Variants in CNTNAP2 observed in about 807,000 individuals in gnomAD.
The protein encoded by CNTNAP2 is contactin associated protein 2.
In CNTNAP2, 98 loss-of-function variants were observed where a neutral mutation model predicts 155.2. The ratio of observed to expected loss-of-function variants is 0.63; its 90% CI spans 0.54 to 0.75. The LOEUF is 0.75. CNTNAP2 is among the 30% of genes least tolerant of loss of function. The probability of loss-of-function intolerance (pLI) is 0.00; values close to 1 mark genes in which losing one functional copy is unlikely to be tolerated. For synonymous variants in CNTNAP2, 651 were observed against 631.2 expected (o/e 1.03, Z -0.47); for missense variants, 1,727 against 1,688.1 (o/e 1.02, Z -0.40).
intron 9 of CNTNAP2, among the ~76,000 whole-genome samples, chr7:147,314,095 A>T (rs1253287708): frequency 6.6e-6 from 1 of 152,078 alleles, no homozygotes; most frequent in Non-Finnish European, 1.5e-5. Flanking sequence ...AATGCATGTG[A>T]TTTTTGTACA....
At chr7:147,180,188 C>T (rs1333930953) in intron 8 of CNTNAP2, among the ~76,000 whole-genome samples, 1 of 152,138 alleles carries the variant, frequency 6.6e-6, no homozygotes, top group East Asian at 1.9e-4. Flanking sequence ...AAGAAATCAT[C>T]TTATTCCTTA....
intron 2 of CNTNAP2, among the ~76,000 whole-genome samples, chr7:146,775,776 A>G (rs1021601099): frequency 6.6e-6 from 1 of 152,112 alleles, no homozygotes; most frequent in African/African-American, 2.4e-5. Context: ...GGAAAAAGCT[A>G]GCCTAGTGTA....
chr7:146,578,019 C>T (rs1798550957), intron 1 of CNTNAP2, among the ~76,000 whole-genome samples: 1 of 152,042 alleles, frequency 6.6e-6, no homozygotes, highest in Non-Finnish European at 1.5e-5. Context: ...AACTAGTCTC[C>T]ATAGACAATC....
intron 8 of CNTNAP2, among the ~76,000 whole-genome samples, chr7:147,203,896 G>T (rs1403052902): frequency 1.3e-5 from 2 of 151,998 alleles, no homozygotes; most frequent in African/African-American, 4.8e-5. Context: ...CAAAATGTAA[G>T]AAATTAGATC....
At chr7:146,384,715 A>G (rs1795436227) in intron 1 of CNTNAP2, among the ~76,000 whole-genome samples, 1 of 152,180 alleles carries the variant, frequency 6.6e-6, no homozygotes. Context: ...TGGTTAAAAA[A>G]AAATGTACAT....
intron 11 of CNTNAP2, among the ~76,000 whole-genome samples, chr7:147,505,392 G>A (rs534454350): frequency 2.0e-5 from 3 of 152,118 alleles, no homozygotes; most frequent in South Asian, 4.1e-4. Flanking sequence ...TACAATGTGT[G>A]ACTAAAAATA....
rs182327570 is a variant in CNTNAP2 at position 147,937,222 on chromosome 7, T to C, written c.2255+33501T>C. 9.2e-5 allele frequency among the ~76,000 whole-genome samples: 14 copies of C among 152,308 alleles called. No individual in the cohort carries two copies. The East Asian group carries it at 2.5e-3, about 27-fold the overall frequency. ...CAGATTGGTCAGTTTGTGAATCTTG[T>C]GATCAGCTACTTTTAGAATTTATTT... On this transcript the variant is annotated intron_variant, in intron 14 of 23. Coordinates refer to ENST00000361727, the MANE Select transcript of CNTNAP2 (RefSeq NM_014141.6).
intron 6 of CNTNAP2, chr7:147,121,667 T>C (rs1169266559): frequency 1.0e-4 from 16 of 153,906 alleles, no homozygotes; most frequent in Non-Finnish European, 2.3e-4. Flanking sequence ...TAAAGTAAAA[T>C]ACAGACTATT....
intron 8 of CNTNAP2, among the ~76,000 whole-genome samples, chr7:147,285,015 AT>A (rs1203050857): frequency 6.6e-6 from 1 of 151,930 alleles, no homozygotes; most frequent in Non-Finnish European, 1.5e-5. Context: ...GCCTGGGTGC[AT>A]CCTTTGAATA....
At chr7:147,873,611 A>T (rs1184955733) in intron 13 of CNTNAP2, among the ~76,000 whole-genome samples, 2 of 152,302 alleles carry the variant, frequency 1.3e-5, no homozygotes, top group African/African-American at 4.8e-5. Flanking sequence ...GCTACAATTC[A>T]AGATGAGATT....
At chr7:147,658,696 T>C (rs1243292710) in intron 13 of CNTNAP2, among the ~76,000 whole-genome samples, 1 of 152,182 alleles carries the variant, frequency 6.6e-6, no homozygotes, top group Non-Finnish European at 1.5e-5. Flanking sequence ...GGATTGCAAG[T>C]TCAGGGTAAC....
At chr7:146,329,472 T>C (rs1801146653) in intron 1 of CNTNAP2, among the ~76,000 whole-genome samples, 1 of 152,310 alleles carries the variant, frequency 6.6e-6, no homozygotes, top group East Asian at 1.9e-4. Flanking sequence ...GTGTTCATCT[T>C]ACTCATTTTT....
intron 1 of CNTNAP2, among the ~76,000 whole-genome samples, chr7:146,742,346 T>G (rs1015955144): frequency 6.6e-6 from 1 of 152,142 alleles, no homozygotes; most frequent in Non-Finnish European, 1.5e-5. Context: ...TGACCACCAG[T>G]ATGTTCACCT....
rs189851813 is a variant in CNTNAP2 at position 147,737,436 on chromosome 7, G to C, written c.2098+98130G>C. Among the ~76,000 whole-genome samples, 823 of 152,268 alleles carry C rather than the reference G, an allele frequency of 5.4e-3. 3 individuals carry two copies. Among genetic ancestry groups the C allele is most frequent in the Non-Finnish European group, 9.0e-3 (610 of 68,024 alleles). ...GGTGAGGTGTCAGTCTGCCCCTACT[G>C]GGGGGTGCCTCCCAGTTTGGCTACT... On this transcript the variant is annotated intron_variant, in intron 13 of 23. Transcript: ENST00000361727.
chr7:147,221,777 C>G (rs911331149), intron 8 of CNTNAP2, among the ~76,000 whole-genome samples: 39 of 152,306 alleles, frequency 2.6e-4, no homozygotes, highest in African/African-American at 9.1e-4. Context: ...GGTCTACTGA[C>G]AAGTCCCCTT....
chr7:146,806,521 CG>C (rs1802970208), intron 2 of CNTNAP2, among the ~76,000 whole-genome samples: 3 of 151,508 alleles, frequency 2.0e-5, no homozygotes, highest in Admixed American at 6.6e-5. Flanking sequence ...GAAAGAAAAT[CG>C]GGTACCATCC....
intron 1 of CNTNAP2, among the ~76,000 whole-genome samples, chr7:146,396,642 AT>A (rs1795631591): frequency 6.6e-6 from 1 of 151,372 alleles, no homozygotes. Context: ...TTACACAAAC[AT>A]TTTGCTAAAG....
chr7:146,397,897 A>G (rs1332615387), intron 1 of CNTNAP2, among the ~76,000 whole-genome samples: 1 of 137,738 alleles, frequency 7.3e-6, no homozygotes, highest in African/African-American at 3.1e-5. Context: ...TATTTTTGAC[A>G]TGGTCTTGCT....
chr7:147,503,697 ATAT>A (rs370061036), intron 11 of CNTNAP2, among the ~76,000 whole-genome samples: 1 of 150,722 alleles, frequency 6.6e-6, no homozygotes, highest in Admixed American at 6.6e-5. Flanking sequence ...AAAAAAAAAA[ATAT>A]TTTTGACAGC....
Sources: gnomAD v4.1 joint callset for allele counts (sites outside exome capture counted in the v4.1 genomes callset) on GRCh38, gnomAD v4.1.1 for gene constraint, MANE v1.5 for transcripts, NCBI Gene and HGNC (gene_info 2026-07-23, HGNC 2026-07-21) for gene names.